INPP4B: variants seen among roughly 807,000 people sequenced by gnomAD.
INPP4B encodes inositol polyphosphate 4-phosphatase type II.
Under a neutral mutation model 122.5 loss-of-function variants are expected in INPP4B, and 55 were observed. That is an observed-to-expected ratio of 0.45 (90% CI 0.36 to 0.56). The LOEUF is 0.56. Ranked by LOEUF, INPP4B falls within the 20% of genes least tolerant of loss-of-function variation. The pLI, the probability that INPP4B is intolerant of heterozygous loss-of-function variation, is 0.00. For synonymous variants in INPP4B, 403 were observed against 388.7 expected (o/e 1.04, Z -0.43); for missense variants, 1,000 against 1,097.7 (o/e 0.91, Z 1.26).
At chr4:142,068,077 G>C (rs1016828322) in intron 25 of INPP4B, among the ~76,000 whole-genome samples, 6 of 152,186 alleles carry the variant, frequency 3.9e-5, no homozygotes, top group Non-Finnish European at 7.3e-5. Flanking sequence ...AGGGCAGCCA[G>C]AGAGAAAGGT....
intron 2 of INPP4B, among the ~76,000 whole-genome samples, chr4:142,470,506 C>T (rs1274092939): frequency 6.6e-6 from 1 of 152,102 alleles, no homozygotes; most frequent in East Asian, 1.9e-4. Context: ...GTGTTCCTAC[C>T]CTGTCCCAGA....
At chr4:142,473,085 G>T (rs902456936) in intron 2 of INPP4B, among the ~76,000 whole-genome samples, 2 of 152,168 alleles carry the variant, frequency 1.3e-5, no homozygotes, top group Admixed American at 1.3e-4. Flanking sequence ...ATAAAGATTA[G>T]ATCCCTTAGG....
chr4:142,237,743 A>G, intron 12 of INPP4B, 121 bp downstream of exon 12: 1 of 522,314 alleles, frequency 1.9e-6, no homozygotes, highest in Non-Finnish European at 3.3e-6. Context: ...GGCTCGGTTT[A>G]GCTATTTCAC....
chr4:142,292,169 C>A (rs932941100), intron 9 of INPP4B, among the ~76,000 whole-genome samples: 3 of 152,132 alleles, frequency 2.0e-5, no homozygotes, highest in African/African-American at 7.2e-5. Context: ...AGATCCTTTT[C>A]TTTAAATCTG....
At chr4:142,119,945 A>G (rs10003713) in intron 21 of INPP4B, among the ~76,000 whole-genome samples, 18,823 of 151,036 alleles carry the variant, frequency 0.12, 1,339 homozygotes, top group East Asian at 0.23. Context: ...CCCAACTTAC[A>G]AATATTTCCT....
intron 2 of INPP4B, among the ~76,000 whole-genome samples, chr4:142,642,251 T>C (rs1477170417): frequency 6.6e-6 from 1 of 152,248 alleles, no homozygotes; most frequent in African/African-American, 2.4e-5. Context: ...TCTTTTGCTG[T>C]GCAGAAGCTC....
chr4:142,095,056 A>G (rs2152575988), intron 23 of INPP4B, among the ~76,000 whole-genome samples: 1 of 152,312 alleles, frequency 6.6e-6, no homozygotes, highest in Admixed American at 6.5e-5. Flanking sequence ...TATCAATGGC[A>G]ACAAAACATA....
intron 2 of INPP4B, among the ~76,000 whole-genome samples, chr4:142,585,846 T>TTTA (rs59890158): frequency 0.16 from 23,369 of 144,312 alleles, 1,967 homozygotes; most frequent in Admixed American, 0.19. Flanking sequence ...CACTAAACAC[T>TTTA]TTATTATTAT....
chr4:142,029,280 A>G (rs1738305367), intron 25 of INPP4B: 1 of 989,538 alleles, frequency 1.0e-6, no homozygotes, highest in Non-Finnish European at 1.2e-6. Flanking sequence ...TAAAATCTAT[A>G]TGTAGCCCTA....
intron 1 of INPP4B, among the ~76,000 whole-genome samples, chr4:142,756,006 T>C (rs766895797): frequency 1.3e-5 from 2 of 152,000 alleles, no homozygotes; most frequent in Non-Finnish European, 1.5e-5. Flanking sequence ...TATCTCTAGA[T>C]CCAGTCCCAG....
intron 2 of INPP4B, among the ~76,000 whole-genome samples, chr4:142,586,221 G>A (rs914318561): frequency 6.6e-6 from 1 of 151,850 alleles, no homozygotes; most frequent in Admixed American, 6.6e-5. Flanking sequence ...CTAATGCAGG[G>A]AAATTGTTTG....
intron 9 of INPP4B, among the ~76,000 whole-genome samples, chr4:142,303,548 A>G: frequency 6.6e-6 from 1 of 152,138 alleles, no homozygotes; most frequent in Non-Finnish European, 1.5e-5. Flanking sequence ...AAGAAAATAA[A>G]TTACATCAGA....
At chr4:142,508,961 G>A (rs1020261793) in intron 2 of INPP4B, among the ~76,000 whole-genome samples, 2 of 152,236 alleles carry the variant, frequency 1.3e-5, no homozygotes, top group African/African-American at 4.8e-5. Context: ...AGACTCCTAA[G>A]AGCACTCTTC....
intron 1 of INPP4B, among the ~76,000 whole-genome samples, chr4:142,790,028 A>T (rs765882983): frequency 6.6e-6 from 1 of 152,146 alleles, no homozygotes; most frequent in Non-Finnish European, 1.5e-5. Context: ...GGCTAGCCAC[A>T]TGTAGGAGAA....
At chr4:142,755,580 A>C (rs1259458368) in intron 1 of INPP4B, among the ~76,000 whole-genome samples, 2 of 152,112 alleles carry the variant, frequency 1.3e-5, no homozygotes, top group African/African-American at 4.8e-5. Context: ...CCTTCTGAGC[A>C]AGGATGGAAT....
rs1188846860 is a variant in INPP4B at position 142,145,897 on chromosome 4, T to G, written c.1663A>C (p.Asn555His). ...GAAGGTTCCTTTTCTCCATCATTGT[T>G]GCCGCCACTGCCTTCACTGCCACCA... is the stretch of plus-strand genomic sequence containing the variant. ...RDGGSEGSGGNNDGEKEPSLT... is the reference protein window; with the variant it reads ...RDGGSEGSGGHNDGEKEPSLT... The change falls in exon 18 of 26, where the codon AAC becomes CAC. Residue 555 changes from asparagine to histidine, a missense_variant. Physicochemically the swap from Asn to His is moderately conservative, Grantham distance 68. Coordinates refer to ENST00000262992, the MANE Select transcript of INPP4B (RefSeq NM_001101669.3). The G allele has an allele frequency of 1.2e-6, 2 of 1,613,756 alleles. No individual in the cohort carries two copies. Among genetic ancestry groups the G allele is most frequent in the Non-Finnish European group, 1.7e-6 (2 of 1,179,810 alleles).
intron 23 of INPP4B, among the ~76,000 whole-genome samples, chr4:142,090,739 T>A (rs1246939364): frequency 1.3e-5 from 2 of 152,078 alleles, no homozygotes; most frequent in African/African-American, 4.8e-5. Flanking sequence ...AAGAAAGTAT[T>A]CAGAGGTAAA....
intron 11 of INPP4B, among the ~76,000 whole-genome samples, chr4:142,253,165 A>T (rs1000461032): frequency 6.6e-6 from 1 of 152,208 alleles, no homozygotes; most frequent in Admixed American, 6.5e-5. Flanking sequence ...TGTAAAGGGC[A>T]TTTACCATGA....
At chr4:142,063,829 A>G (rs1180178715) in intron 25 of INPP4B, among the ~76,000 whole-genome samples, 1 of 152,186 alleles carries the variant, frequency 6.6e-6, no homozygotes, top group African/African-American at 2.4e-5. Context: ...TATTTATGAA[A>G]AAACTAAATA....
Sources: gnomAD v4.1 joint callset for allele counts (sites outside exome capture counted in the v4.1 genomes callset) on GRCh38, gnomAD v4.1.1 for gene constraint, MANE v1.5 for transcripts, NCBI Gene and HGNC (gene_info 2026-07-23, HGNC 2026-07-21) for gene names.